The following ATP1A2 variants were observed in gnomAD, a reference collection of about 807,000 sequenced individuals.
The protein encoded by ATP1A2 is ATPase Na+/K+ transporting subunit alpha 2.
A neutral mutation model predicts 113.1 loss-of-function variants in ATP1A2; 56 were observed. The ratio of observed to expected loss-of-function variants is 0.49; its 90% CI spans 0.40 to 0.62. The LOEUF (loss-of-function observed/expected upper bound fraction) is 0.62. ATP1A2 is among the 20% of genes least tolerant of loss of function. The pLI is 0.00. For synonymous variants in ATP1A2, 490 were observed against 526.8 expected, an observed-to-expected ratio of 0.93 and a Z score of 0.96; for missense variants, 712 against 1,357.8, an observed-to-expected ratio of 0.52 and a Z score of 7.47.
chr1:160,122,386 A>T, intron 3 of ATP1A2, among the ~76,000 whole-genome samples: 1 of 150,388 alleles, frequency 6.6e-6, no homozygotes, highest in East Asian at 2.0e-4. Flanking sequence ...TGTGCCTGGC[A>T]CTGGATATAC....
In ATP1A2 at chr1:160,135,084, G is replaced by A. The variant is rs1202485353; in HGVS notation, c.1965-61G>A. On this transcript the variant is annotated intron_variant, in intron 14 of 22. Transcript: ENST00000361216. The surrounding 1 kb of genome is among the most constrained non-coding windows in gnomAD (Gnocchi z 6.3). ...GCTGCGGTGGTGAAGAGAGGCAGGG[G>A]GCAGGAGGGGCTGGTACAGGTGCCA... The A allele has an allele frequency of 2.5e-6, 4 of 1,609,058 alleles. No individual in the cohort carries two copies. In the Admixed American group the frequency reaches 6.7e-5, roughly 27 times the overall value.
chr1:160,137,115 C>G, intron 20 of ATP1A2, 84 bp downstream of exon 20: 1 of 1,602,754 alleles, frequency 6.2e-7, no homozygotes, highest in Non-Finnish European at 8.5e-7. Context: ...CCAACTCAGC[C>G]CTGGACCAGA....
chr1:160,119,739 C>T (rs1651319114), intron 1 of ATP1A2, among the ~76,000 whole-genome samples: 1 of 151,078 alleles, frequency 6.6e-6, no homozygotes, highest in South Asian at 2.1e-4. Flanking sequence ...TGCTCAGGCG[C>T]AGTGGCTCAC....
chr1:160,119,581 G>A (rs1651311643), intron 1 of ATP1A2, among the ~76,000 whole-genome samples: 1 of 152,116 alleles, frequency 6.6e-6, no homozygotes, highest in African/African-American at 2.4e-5. Flanking sequence ...ATCACCCCAA[G>A]AGGGCCTCCT....
At chr1:160,116,844 A>G (rs1390694749) in intron 1 of ATP1A2, among the ~76,000 whole-genome samples, 1 of 152,060 alleles carries the variant, frequency 6.6e-6, no homozygotes, top group Non-Finnish European at 1.5e-5. Flanking sequence ...AGGACATGTT[A>G]TTGCACCTAG....
intron 20 of ATP1A2, 99 bp from the exon 21 acceptor site, chr1:160,139,541 A>G (rs1652066130): frequency 1.0e-6 from 1 of 998,398 alleles, no homozygotes; most frequent in Admixed American, 1.7e-5. Flanking sequence ...TATGTCGTTT[A>G]GAATTCTCTC....
At position 160,115,788 on chromosome 1, in the gene ATP1A2, A is replaced by T; in HGVS notation, c.-74A>T. The T allele has an allele frequency of 6.4e-7, 1 of 1,553,656 alleles. No individual in the cohort carries two copies. Among genetic ancestry groups the T allele is most frequent in the Non-Finnish European group, 8.7e-7 (1 of 1,144,896 alleles). ...GTCTGCCAGGGTCTCCGACTGTCCCAGACGGGCTGGTGTGGGCTTGGGATC... is the reference window on the plus strand; with the variant it reads ...GTCTGCCAGGGTCTCCGACTGTCCCTGACGGGCTGGTGTGGGCTTGGGATC... On this transcript the variant is annotated 5_prime_UTR_variant, in exon 1 of 23. Transcript: ENST00000361216.
intron 7 of ATP1A2, 23 bp downstream of exon 7, chr1:160,125,276 G>A (rs1238814489): frequency 6.3e-7 from 1 of 1,585,536 alleles, no homozygotes; most frequent in East Asian, 2.2e-5. Context: ...GCTGCCCCCT[G>A]TAGGAAAGAG....
intron 3 of ATP1A2, 80 bp downstream of exon 3, chr1:160,121,331 T>C: frequency 6.6e-7 from 1 of 1,517,146 alleles, no homozygotes; most frequent in Non-Finnish European, 9.1e-7. Flanking sequence ...GCCTTAAAAC[T>C]GTAATCCAGC....
At chr1:160,125,546 C>A (rs563996764) in intron 7 of ATP1A2, 6 of 430,226 alleles carry the variant, frequency 1.4e-5, no homozygotes, top group African/African-American at 2.0e-5. Flanking sequence ...ACCCCTTACG[C>A]ATGCGCACAC....
chr1:160,130,122 A>G lies in ATP1A2; in HGVS notation c.1482A>G (p.Glu494=). ...NKYQLSIHER[E]DSPQSHVLVM... is the part of the protein sequence containing the mutation. ...TCCAGCTGTCTATCCACGAGCGAGA[A>G]GACAGCCCCCAGAGCCACGTGCTGG... Residue 494 remains glutamate, a synonymous_variant, in exon 12 of 23, where the codon GAA becomes GAG. Coordinates refer to ENST00000361216, the MANE Select transcript of ATP1A2 (RefSeq NM_000702.4). 1 of 1,614,228 alleles carries G rather than the reference A, an allele frequency of 6.2e-7. No homozygotes were observed.
chr1:160,135,617 T>C lies in ATP1A2; in HGVS notation c.2284+15T>C, dbSNP rs1316450700. The C allele has an allele frequency of 6.2e-7, 1 of 1,613,190 alleles. No homozygotes were observed. The highest frequency in any genetic ancestry group is 2.2e-5 in the East Asian group (1 of 44,866). Reference sequence around the variant, plus strand: ...GGTGGAGGAGGGTGAGGAGGCTGCATGGGTTGGGATGGTTTGCAGGATACT... The same window carrying C: ...GGTGGAGGAGGGTGAGGAGGCTGCACGGGTTGGGATGGTTTGCAGGATACT... On this transcript the variant is annotated intron_variant, in intron 16 of 22. Transcript: ENST00000361216. The surrounding 1 kb of genome is among the most constrained non-coding windows in gnomAD (Gnocchi z 6.3).
intron 10 of ATP1A2, 56 bp downstream of exon 10, chr1:160,129,145 G>T: frequency 1.2e-6 from 2 of 1,607,192 alleles, no homozygotes; most frequent in Non-Finnish European, 8.5e-7. Flanking sequence ...AAAGCCTCTT[G>T]CTGGCCCCAG....
chr1:160,136,256 A>G lies in ATP1A2; in HGVS notation c.2449A>G (p.Ile817Val), dbSNP rs1244618274. The G allele has an allele frequency of 1.2e-6, 2 of 1,613,986 alleles. No individual in the cohort carries two copies. Among genetic ancestry groups the G allele is most frequent in the Non-Finnish European group, 1.7e-6 (2 of 1,180,026 alleles). Residue 817 changes from isoleucine to valine, a missense_variant, in exon 18 of 23, where the codon ATC becomes GTC. By Grantham distance (29) the Ile-to-Val change is conservative. Coordinates refer to ENST00000361216, the MANE Select transcript of ATP1A2 (RefSeq NM_000702.4). ...IDLGTDMVPA[I>V]SLAYEAAESD... ...TTCCTACCCCACACAGGTCCCTGCCATCTCCTTGGCCTATGAGGCAGCTGA... is the reference window on the plus strand; with the variant it reads ...TTCCTACCCCACACAGGTCCCTGCCGTCTCCTTGGCCTATGAGGCAGCTGA...
At position 160,141,608 on chromosome 1, in the gene ATP1A2, G is replaced by T. The variant is rs542623068; in HGVS notation, c.*286G>T. 6.2e-6 allele frequency: 3 copies of T among 485,794 alleles called. No individual in the cohort carries two copies. In the East Asian group the frequency reaches 1.2e-4, roughly 19 times the overall value. The allele number at this position is 485,794 out of a possible 1,614,324, so 30.1% of individuals were successfully genotyped here. ...TGTCTATTTTTTCTGAGGAATTAAG[G>T]GTTACCCCACCCTGCCCACTCCCAT... is the stretch of plus-strand genomic sequence containing the variant. On this transcript the variant is annotated 3_prime_UTR_variant, in exon 23 of 23. Transcript: ENST00000361216.
At chr1:160,119,579 A>G (rs1045298521) in intron 1 of ATP1A2, among the ~76,000 whole-genome samples, 3 of 152,098 alleles carry the variant, frequency 2.0e-5, no homozygotes, top group Non-Finnish European at 4.4e-5. Flanking sequence ...CTATCACCCC[A>G]AGAGGGCCTC....
intron 13 of ATP1A2, 150 bp from the exon 14 acceptor site, chr1:160,134,334 C>A: frequency 1.8e-6 from 2 of 1,111,348 alleles, no homozygotes; most frequent in Non-Finnish European, 2.6e-6. Flanking sequence ...CTCCCCTGCC[C>A]ACAGACGCAC....
rs201039417 is a variant in ATP1A2 at position 160,130,050 on chromosome 1, G to A, written c.1462-52G>A. The A allele has an allele frequency of 3.0e-4, 478 of 1,609,750 alleles. 1 individual carries two copies. Among genetic ancestry groups the A allele is most frequent in the Admixed American group, 1.2e-3 (74 of 59,988 alleles). On this transcript the variant is annotated intron_variant, in intron 11 of 22. Transcript: ENST00000361216. ...TCCTTACCAGCTGCTGCTCTATGCC[G>A]CGCTACCAAGACAAGTATGGCCCTC... is the stretch of plus-strand genomic sequence containing the variant.
chr1:160,129,007 C>A lies in ATP1A2; in HGVS notation c.1244C>A (p.Thr415Lys). 6.2e-7 allele frequency: 1 copy of A among 1,608,942 alleles called. No individual in the cohort carries two copies. Among genetic ancestry groups the A allele is most frequent in the Non-Finnish European group, 8.5e-7 (1 of 1,177,256 alleles). ...GCCACTTTTGACAAACGATCCCCTACGTGGACGGCCCTGTCTCGAATTGCT... is the reference window on the plus strand; with the variant it reads ...GCCACTTTTGACAAACGATCCCCTAAGTGGACGGCCCTGTCTCGAATTGCT... Reference protein sequence around the residue: ...SGATFDKRSPTWTALSRIAGL... With the variant: ...SGATFDKRSPKWTALSRIAGL... The change falls in exon 10 of 23, where the codon ACG becomes AAG. Residue 415 changes from threonine (T) to lysine (K), a missense_variant. By Grantham distance (78) the Thr-to-Lys change is moderately conservative. Around this residue, in one of 6 missense-constraint regions of ATP1A2, gnomAD observed 263 missense variants for 380.6 expected, o/e 0.69. Coordinates refer to ENST00000361216, the MANE Select transcript of ATP1A2 (RefSeq NM_000702.4).
Sources: gnomAD v4.1 joint callset for allele counts (sites outside exome capture counted in the v4.1 genomes callset) on GRCh38, gnomAD v4.1.1 for gene constraint, gnomAD v4.1.1 regional missense constraint, Gnocchi (gnomAD v3.1) non-coding constraint, MANE v1.5 for transcripts, NCBI Gene and HGNC (gene_info 2026-07-23, HGNC 2026-07-21) for gene names.